The following SCAPER variants were observed in gnomAD, a reference collection of about 807,000 sequenced individuals.
SCAPER encodes the protein S-phase cyclin A associated protein in the ER.
A neutral mutation model predicts 182.2 loss-of-function variants in SCAPER; 98 were observed. That is an observed-to-expected ratio of 0.54 (90% CI 0.46 to 0.64). SCAPER has a LOEUF of 0.64. Among genes scored for constraint, SCAPER ranks in the 30% least tolerant of loss-of-function variants. SCAPER has a pLI of 0.00. For missense variants in SCAPER, 1,432 were observed against 1,690.0 expected (o/e 0.85, Z 2.68); for synonymous variants, 605 against 564.6 (o/e 1.07, Z -1.01).
chr15:76,759,190 T>C (rs1179601214), intron 14 of SCAPER, among the ~76,000 whole-genome samples: 2 of 152,212 alleles, frequency 1.3e-5, no homozygotes, highest in Non-Finnish European at 2.9e-5. Flanking sequence ...ATTATGATGT[T>C]AACTGTGGGT....
intron 23 of SCAPER, among the ~76,000 whole-genome samples, chr15:76,549,852 A>G (rs747172590): frequency 6.6e-6 from 1 of 152,226 alleles, no homozygotes; most frequent in Non-Finnish European, 1.5e-5. Context: ...CTGAAACTCT[A>G]AAACTACTAG....
intron 17 of SCAPER, among the ~76,000 whole-genome samples, chr15:76,723,221 C>T (rs565366296): frequency 6.6e-6 from 1 of 152,148 alleles, no homozygotes; most frequent in Non-Finnish European, 1.5e-5. Context: ...TGTTCAGTTT[C>T]CATGAAGTTT....
intron 23 of SCAPER, among the ~76,000 whole-genome samples, chr15:76,561,149 A>T (rs907117245): frequency 2.0e-5 from 3 of 152,242 alleles, no homozygotes; most frequent in South Asian, 4.1e-4. Flanking sequence ...ATAGCCAGAG[A>T]GTTAGCATGA....
At chr15:76,835,374 T>C (rs1004782419) in intron 5 of SCAPER, among the ~76,000 whole-genome samples, 2 of 152,170 alleles carry the variant, frequency 1.3e-5, no homozygotes, top group Non-Finnish European at 2.9e-5. Context: ...ATTCCTGAGA[T>C]GTAAGGTTGG....
chr15:76,417,810 G>C (rs2045756945), intron 26 of SCAPER, among the ~76,000 whole-genome samples: 2 of 152,326 alleles, frequency 1.3e-5, no homozygotes, highest in South Asian at 4.1e-4. Context: ...ACGAGGTCAA[G>C]AGATCGAGGC....
chr15:76,575,646 C>T (rs1438822715), intron 22 of SCAPER, among the ~76,000 whole-genome samples: 2 of 152,210 alleles, frequency 1.3e-5, no homozygotes, highest in African/African-American at 4.8e-5. Context: ...TGTTCTTCAT[C>T]TTTTCCTTCT....
chr15:76,508,887 G>C (rs577807449), intron 23 of SCAPER, among the ~76,000 whole-genome samples: 1 of 151,944 alleles, frequency 6.6e-6, no homozygotes, highest in Admixed American at 6.6e-5. Context: ...CATAAGTTAG[G>C]GTTGTCTACC....
intron 17 of SCAPER, among the ~76,000 whole-genome samples, chr15:76,718,780 T>C (rs1260677284): frequency 6.6e-6 from 1 of 152,154 alleles, no homozygotes; most frequent in Non-Finnish European, 1.5e-5. Flanking sequence ...AAAGAAGTCA[T>C]AGTCAGTAGA....
chr15:76,756,755 C>T (rs2062460587), intron 14 of SCAPER, among the ~76,000 whole-genome samples: 1 of 152,184 alleles, frequency 6.6e-6, no homozygotes, highest in South Asian at 2.1e-4. Flanking sequence ...TCCAACCTAG[C>T]ACTGTTACTA....
chr15:76,717,859 T>C (rs2059972672), intron 17 of SCAPER, among the ~76,000 whole-genome samples: 1 of 152,080 alleles, frequency 6.6e-6, no homozygotes, highest in Non-Finnish European at 1.5e-5. Flanking sequence ...GGGACTTCAA[T>C]ACCCCACTGT....
chr15:76,818,371 C>G (rs1327975144), intron 5 of SCAPER, among the ~76,000 whole-genome samples: 1 of 152,044 alleles, frequency 6.6e-6, no homozygotes, highest in Admixed American at 6.6e-5. Context: ...GGGAAAAAAC[C>G]TAGATGGTCT....
intron 2 of SCAPER, among the ~76,000 whole-genome samples, chr15:76,873,995 C>A (rs1366587789): frequency 6.6e-6 from 1 of 151,810 alleles, no homozygotes; most frequent in South Asian, 2.1e-4. Context: ...CGGGTTCCAG[C>A]GATTCTCCTG....
At chr15:76,622,593 T>C (rs1192887859) in intron 21 of SCAPER, among the ~76,000 whole-genome samples, 3 of 152,170 alleles carry the variant, frequency 2.0e-5, no homozygotes, top group African/African-American at 7.2e-5. Flanking sequence ...TCAGCCTAAA[T>C]ATTAAGATTT....
chr15:76,733,022 C>A (rs2061016159), intron 16 of SCAPER, among the ~76,000 whole-genome samples: 1 of 152,128 alleles, frequency 6.6e-6, no homozygotes, highest in African/African-American at 2.4e-5. Flanking sequence ...TCAGCACAGC[C>A]TGGCATTCAG....
intron 5 of SCAPER, among the ~76,000 whole-genome samples, chr15:76,837,682 C>T (rs144243368): frequency 3.6e-4 from 55 of 152,180 alleles, no homozygotes; most frequent in Middle Eastern, 3.4e-3. Flanking sequence ...AAATGCAATA[C>T]GAAACTACAA....
intron 4 of SCAPER, among the ~76,000 whole-genome samples, chr15:76,845,642 C>T (rs2069991198): frequency 6.6e-6 from 1 of 151,440 alleles, no homozygotes; most frequent in African/African-American, 2.4e-5. Context: ...TAGGAATTAA[C>T]CAAAGAAGTG....
intron 2 of SCAPER, among the ~76,000 whole-genome samples, chr15:76,880,777 A>G (rs2073483584): frequency 6.6e-6 from 1 of 152,154 alleles, no homozygotes; most frequent in East Asian, 1.9e-4. Flanking sequence ...TCAAAAAAGA[A>G]AAACACATGT....
intron 2 of SCAPER, among the ~76,000 whole-genome samples, chr15:76,881,816 T>C (rs963347281): frequency 6.6e-6 from 1 of 152,188 alleles, no homozygotes; most frequent in Non-Finnish European, 1.5e-5. Flanking sequence ...TGCACAACAA[T>C]ATGAATGTAC....
chr15:76,893,156 T>C (rs1450832028), intron 1 of SCAPER, among the ~76,000 whole-genome samples: 2 of 152,078 alleles, frequency 1.3e-5, no homozygotes, highest in Non-Finnish European at 2.9e-5. Flanking sequence ...GCAGGGAACA[T>C]CACACACCGG....
Sources: allele counts gnomAD v4.1 joint callset (sites outside exome capture counted in the v4.1 genomes callset), GRCh38; gene constraint gnomAD v4.1.1; transcripts MANE v1.5; gene names NCBI Gene and HGNC (gene_info 2026-07-23, HGNC 2026-07-21).